ITGA9: variants seen among roughly 807,000 people sequenced by gnomAD.
The protein encoded by ITGA9 is integrin subunit alpha 9, also known as integrin alpha-9.
A neutral mutation model predicts 127.8 loss-of-function variants in ITGA9; 56 were observed. The observed-to-expected ratio is 0.44, with a 90% CI of 0.35 to 0.55. The LOEUF (loss-of-function observed/expected upper bound fraction) is 0.55, where lower values mean the gene tolerates loss of function less well. Ranked by LOEUF, ITGA9 falls within the 20% of genes least tolerant of loss-of-function variation. The pLI is 0.00. For missense variants in ITGA9, 1,196 were observed against 1,347.1 expected (o/e 0.89, Z 1.76); for synonymous variants, 508 against 514.5 (o/e 0.99, Z 0.17).
intron 18 of ITGA9, among the ~76,000 whole-genome samples, chr3:37,725,791 G>A (rs1696183143): frequency 6.6e-6 from 1 of 152,238 alleles, no homozygotes; most frequent in Non-Finnish European, 1.5e-5. Flanking sequence ...TAAGGCACAT[G>A]TTATGACTTC....
In ITGA9 at chr3:37,821,752, A is replaced by G. The variant is rs1364576353; in HGVS notation, c.*2763A>G. ...CTTCTGCTTGATTCTGCGTGGGTGG[A>G]CCCACATGAGCAGCTGTATACCCAG... On this transcript the variant is annotated 3_prime_UTR_variant, in exon 28 of 28. Coordinates refer to ENST00000264741, the MANE Select transcript of ITGA9 (RefSeq NM_002207.3). 1.3e-5 allele frequency: 2 copies of G among 151,672 alleles called. No homozygotes were observed. The highest frequency in any genetic ancestry group is 2.9e-5 in the Non-Finnish European group (2 of 67,996). 9.4% of individuals were successfully genotyped at this position (151,672 alleles called of 1,614,324 possible).
chr3:37,738,101 G>T (rs1174746834), intron 20 of ITGA9, among the ~76,000 whole-genome samples: 1 of 152,116 alleles, frequency 6.6e-6, no homozygotes, highest in Non-Finnish European at 1.5e-5. Flanking sequence ...CTTTTTAGCC[G>T]CTTCTTTTTA....
chr3:37,473,144 A>G (rs896146339), intron 2 of ITGA9, among the ~76,000 whole-genome samples: 7 of 142,060 alleles, frequency 4.9e-5, no homozygotes, highest in African/African-American at 1.5e-4. Context: ...CTCAAAAAAA[A>G]AAAAAAAAAA....
At chr3:37,591,637 A>G (rs1699820268) in intron 15 of ITGA9, among the ~76,000 whole-genome samples, 1 of 152,196 alleles carries the variant, frequency 6.6e-6, no homozygotes, top group South Asian at 2.1e-4. Flanking sequence ...CCTTGCACAC[A>G]AAGCCTAGGC....
At chr3:37,546,956 A>G (rs187892) in intron 15 of ITGA9, among the ~76,000 whole-genome samples, 71,850 of 151,982 alleles carry the variant, frequency 0.47, 17,515 homozygotes, top group East Asian at 0.73. Flanking sequence ...GAGATCAAAT[A>G]CCTATGCATG....
At chr3:37,594,941 C>A (rs558131473) in intron 15 of ITGA9, among the ~76,000 whole-genome samples, 5 of 152,080 alleles carry the variant, frequency 3.3e-5, no homozygotes, top group Non-Finnish European at 7.4e-5. Flanking sequence ...CAGGCATGTA[C>A]CATTGCACCC....
intron 23 of ITGA9, among the ~76,000 whole-genome samples, chr3:37,755,208 A>G (rs1165616777): frequency 1.3e-5 from 2 of 152,138 alleles, no homozygotes; most frequent in African/African-American, 2.4e-5. Context: ...GATTTGCCCA[A>G]CCTGACACAG....
intron 15 of ITGA9, among the ~76,000 whole-genome samples, chr3:37,593,881 T>TCCATGG (rs1553649370): frequency 2.0e-5 from 3 of 151,490 alleles, no homozygotes; most frequent in Admixed American, 6.6e-5. Context: ...TCCTCTGCTC[T>TCCATGG]CCTTGGCCTT....
chr3:37,465,077 A>G (rs1297551363), intron 1 of ITGA9, among the ~76,000 whole-genome samples: 2 of 152,258 alleles, frequency 1.3e-5, no homozygotes, highest in Non-Finnish European at 2.9e-5. Context: ...TAATGGGTTT[A>G]AAGTTTTTAA....
intron 15 of ITGA9, among the ~76,000 whole-genome samples, chr3:37,572,730 G>A (rs1015344751): frequency 2.0e-5 from 3 of 152,176 alleles, no homozygotes; most frequent in African/African-American, 7.2e-5. Context: ...CCTACTCAAG[G>A]TTATGTTTTG....
chr3:37,710,107 G>C (rs1341783662), intron 18 of ITGA9, among the ~76,000 whole-genome samples: 1 of 152,184 alleles, frequency 6.6e-6, no homozygotes, highest in Non-Finnish European at 1.5e-5. Context: ...GTGCCAGGGA[G>C]GGGAGGAACA....
At chr3:37,517,697 T>A in intron 10 of ITGA9, 88 bp downstream of exon 10, 1 of 941,512 alleles carries the variant, frequency 1.1e-6, no homozygotes, top group African/African-American at 1.6e-5. Context: ...TGACTGTCCA[T>A]CTCTAGTGGC....
rs753372218 is a variant in ITGA9, at chr3:37,494,488, T to C, written c.545-13T>C. 9 of 1,598,656 alleles carry C rather than the reference T, an allele frequency of 5.6e-6. No homozygotes were observed. Among genetic ancestry groups the C allele is most frequent in the Non-Finnish European group, 6.0e-6 (7 of 1,166,574 alleles). On this transcript the variant is annotated splice_polypyrimidine_tract_variant and intron_variant, in intron 4 of 27. Transcript: ENST00000264741. ...TGGCTGTGGTTTGCTTCTCTCTCCT[T>C]CCTTCCCCCTAGAGTATAAGAAGAA...
chr3:37,592,428 AAAG>A (rs1001791334), intron 15 of ITGA9, among the ~76,000 whole-genome samples: 8 of 152,120 alleles, frequency 5.3e-5, no homozygotes, highest in African/African-American at 1.9e-4. Flanking sequence ...GCAGGAGGAG[AAAG>A]AAGCAGTGGA....
chr3:37,511,162 T>C (rs1184156651), intron 8 of ITGA9, among the ~76,000 whole-genome samples: 2 of 152,076 alleles, frequency 1.3e-5, no homozygotes, highest in East Asian at 1.9e-4. Flanking sequence ...TGGCTTCCTA[T>C]AAGAAGAAAC....
intron 15 of ITGA9, among the ~76,000 whole-genome samples, chr3:37,573,866 C>T (rs1045131767): frequency 3.9e-5 from 6 of 152,148 alleles, no homozygotes; most frequent in African/African-American, 7.2e-5. Context: ...GTCATGCATT[C>T]ACCCCACAAA....
At chr3:37,519,391 C>A in intron 11 of ITGA9, 37 bp downstream of exon 11, 2 of 1,498,322 alleles carry the variant, frequency 1.3e-6, no homozygotes, top group Non-Finnish European at 1.9e-6. Context: ...ACTGTTCATA[C>A]ATTCATTCAG....
At chr3:37,456,641 C>A (rs1055704158) in intron 1 of ITGA9, among the ~76,000 whole-genome samples, 1 of 152,196 alleles carries the variant, frequency 6.6e-6, no homozygotes. Flanking sequence ...CACATCAAGA[C>A]GGCTGTGCTT....
intron 17 of ITGA9, among the ~76,000 whole-genome samples, chr3:37,670,788 T>G (rs1256651159): frequency 6.6e-6 from 1 of 152,218 alleles, no homozygotes; most frequent in Non-Finnish European, 1.5e-5. Context: ...GAGAAAAGAT[T>G]CAAAATCTAG....
Sources: allele counts gnomAD v4.1 joint callset (sites outside exome capture counted in the v4.1 genomes callset), GRCh38; gene constraint gnomAD v4.1.1; transcripts MANE v1.5; gene names NCBI Gene and HGNC (gene_info 2026-07-23, HGNC 2026-07-21).